PLA2G6: variants seen among roughly 807,000 people sequenced by gnomAD.
The protein encoded by PLA2G6 is phospholipase A2 group VI, also known as 85/88 kDa calcium-independent phospholipase A2.
PLA2G6 carries 62 observed loss-of-function variants against 83.8 expected under a neutral mutation model. The ratio of observed to expected loss-of-function variants is 0.74; its 90% CI spans 0.60 to 0.91. The LOEUF is 0.91. Among genes scored for constraint, PLA2G6 ranks in the 40% least tolerant of loss-of-function variants. The pLI, the probability that PLA2G6 is intolerant of heterozygous loss-of-function variation, is 0.00. For synonymous variants in PLA2G6, 417 were observed against 449.8 expected, an observed-to-expected ratio of 0.93 and a Z score of 0.92; for missense variants, 944 against 1,102.0, an observed-to-expected ratio of 0.86 and a Z score of 2.03.
intron 2 of PLA2G6, among the ~76,000 whole-genome samples, chr22:38,155,012 G>A (rs899685014): frequency 6.6e-6 from 1 of 152,218 alleles, no homozygotes; most frequent in Non-Finnish European, 1.5e-5. Flanking sequence ...CGGATCACAA[G>A]GTCAGGAGAT....
At chr22:38,114,972 C>G (rs758688599) in intron 14 of PLA2G6, among the ~76,000 whole-genome samples, 8 of 152,318 alleles carry the variant, frequency 5.3e-5, no homozygotes, top group Middle Eastern at 6.8e-3. Context: ...GCCACAGGGC[C>G]TCCCCTAGCA....
intron 6 of PLA2G6, chr22:38,134,714 T>A: frequency 2.1e-6 from 1 of 486,768 alleles, no homozygotes; most frequent in South Asian, 2.8e-5. Flanking sequence ...CCGAGTTTTG[T>A]CACACACTGC....
intron 6 of PLA2G6, chr22:38,134,271 C>T (rs985377648): frequency 6.6e-6 from 1 of 152,422 alleles, no homozygotes; most frequent in Non-Finnish European, 1.5e-5. Flanking sequence ...CTTAATAAAT[C>T]CCCCTTTAGG....
rs1602198587 is a variant in PLA2G6 at position 38,148,682 on chromosome 22, T to C, written c.210-3029A>G. On this transcript the variant is annotated intron_variant, in intron 2 of 16. Coordinates refer to ENST00000332509, the MANE Select transcript of PLA2G6 (RefSeq NM_003560.4). ...ACTTTGGGTTAGGGTCCTAAAGAAC[T>C]ACGTAGCCTAGGAATAAGGGTGAGC... is the stretch of plus-strand genomic sequence containing the variant. 9 of 641,038 alleles carry C rather than the reference T, an allele frequency of 1.4e-5. No homozygotes were observed. The East Asian group carries it at 2.5e-4, about 18-fold the overall frequency. 39.7% of individuals were successfully genotyped at this position (641,038 alleles called of 1,614,324 possible).
rs188217415 is a variant in PLA2G6, at chr22:38,161,134, T to C, written c.209+8084A>G. On this transcript the variant is annotated intron_variant, in intron 2 of 16. Coordinates refer to ENST00000332509, the MANE Select transcript of PLA2G6 (RefSeq NM_003560.4). The stretch of plus-strand genomic sequence containing the variant: ...GTAGAGTCAAGAAATAATTTTTTTT[T>C]AAAGAAAAAAATAACCCATTGTATA... 4.3e-3 allele frequency among the ~76,000 whole-genome samples: 659 copies of C among 152,170 alleles called. 6 individuals are homozygous for C. The highest frequency in any genetic ancestry group is 5.3e-3 in the Non-Finnish European group (359 of 67,970).
chr22:38,176,859 A>AG, intron 1 of PLA2G6, among the ~76,000 whole-genome samples: 1 of 152,058 alleles, frequency 6.6e-6, no homozygotes, highest in East Asian at 1.9e-4. Flanking sequence ...CCAACGTGTG[A>AG]GAAAAAAACC....
At chr22:38,152,066 T>C (rs1428900415) in intron 2 of PLA2G6, among the ~76,000 whole-genome samples, 3 of 152,182 alleles carry the variant, frequency 2.0e-5, no homozygotes, top group Non-Finnish European at 2.9e-5. Context: ...ATGTTAAATT[T>C]TGATTCCAAT....
Position 38,113,521 on chromosome 22 carries a change from C to A in PLA2G6, c.2168G>T (p.Gly723Val), listed in dbSNP as rs2087006444. 6.2e-7 allele frequency: 1 copy of A among 1,614,008 alleles called. No individual in the cohort carries two copies. Among genetic ancestry groups the A allele is most frequent in the South Asian group, 1.1e-5 (1 of 91,084 alleles). The change falls in exon 15 of 17, where the codon GGG (glycine) becomes GTG (valine). Residue 723 changes from glycine to valine, a missense_variant. Gly to Val is a moderately radical substitution (Grantham distance 109). Coordinates refer to ENST00000332509, the MANE Select transcript of PLA2G6 (RefSeq NM_003560.4). ...NPWELAKTVFGAKELGKMVVD... is the reference protein window; with the variant it reads ...NPWELAKTVFVAKELGKMVVD... ...CACCATCTTGCCCAGTTCCTTGGCC[C>A]CAAAAACAGTCTTGGCCAGCTCCCA... is the stretch of plus-strand genomic sequence containing the variant.
intron 1 of PLA2G6, chr22:38,180,255 T>C (rs2090795360): frequency 6.6e-6 from 1 of 152,134 alleles, no homozygotes; most frequent in East Asian, 1.9e-4. Flanking sequence ...AACTCCCTTT[T>C]GGGGAGTCTC....
At chr22:38,114,211 C>T (rs1305592274) in intron 14 of PLA2G6, among the ~76,000 whole-genome samples, 1 of 149,530 alleles carries the variant, frequency 6.7e-6, no homozygotes, top group Non-Finnish European at 1.5e-5. Flanking sequence ...GACGGAGTCT[C>T]GCTCTGTCTC....
At chr22:38,125,788 G>A (rs1015631817) in intron 10 of PLA2G6, 1 of 457,474 alleles carries the variant, frequency 2.2e-6, no homozygotes, top group South Asian at 1.6e-5. Context: ...ATCAAGGGAG[G>A]TGGCGACAGC....
At chr22:38,152,965 G>A (rs132950) in intron 2 of PLA2G6, among the ~76,000 whole-genome samples, 27,649 of 151,630 alleles carry the variant, frequency 0.18, 2,793 homozygotes, top group East Asian at 0.44. Context: ...GTCCTCCTGC[G>A]GGGAAAAAAA....
Position 38,128,879 on chromosome 22 carries a change from G to C in PLA2G6, c.1187-449C>G, listed in dbSNP as rs1471326007. ...AGATGCGGTGCATGCAGACACACAC[G>C]TGTGCACTGGCACACACACACTGCT... On this transcript the variant is annotated intron_variant, in intron 8 of 16. Transcript: ENST00000332509. The surrounding 1 kb of genome is among the most constrained non-coding windows in gnomAD (Gnocchi z 4.4). 1.3e-5 allele frequency among the ~76,000 whole-genome samples: 2 copies of C among 152,344 alleles called. No individual in the cohort carries two copies. The highest frequency in any genetic ancestry group is 4.1e-4 in the South Asian group (2 of 4,832).
At position 38,143,235 on chromosome 22, in the gene PLA2G6, C is replaced by A; in HGVS notation, c.479G>T (p.Cys160Phe). Residue 160 changes from cysteine to phenylalanine, a missense_variant, in exon 4 of 17, where the codon TGC (cysteine) becomes TTC (phenylalanine). By Grantham distance (205) the Cys-to-Phe change is radical. Transcript: ENST00000332509. ...EEGCTPLHLACRKGDGEILVE... is the reference protein window; with the variant it reads ...EEGCTPLHLAFRKGDGEILVE... Reference sequence around the variant, plus strand: ...CAGGATCTCCCCATCACCCTTGCGGCAGGCCAGGTGCAGGGGTGTGCAGCC... The same window carrying A: ...CAGGATCTCCCCATCACCCTTGCGGAAGGCCAGGTGCAGGGGTGTGCAGCC... The A allele has an allele frequency of 3.1e-6, 5 of 1,614,104 alleles. No individual in the cohort carries two copies. The highest frequency in any genetic ancestry group is 4.2e-6 in the Non-Finnish European group (5 of 1,180,020).
intron 2 of PLA2G6, chr22:38,147,294 T>C (rs1337142877): frequency 2.5e-5 from 4 of 163,246 alleles, no homozygotes; most frequent in Non-Finnish European, 4.4e-5. Flanking sequence ...TCAGTGATGG[T>C]TACTTAAAGT....
intron 9 of PLA2G6, chr22:38,126,732 C>A: frequency 8.3e-6 from 4 of 481,600 alleles, no homozygotes; most frequent in Non-Finnish European, 1.5e-5. Flanking sequence ...CCCTCAATCT[C>A]TTCCTCTTGA....
At chr22:38,173,205 G>T (rs2090503236) in intron 1 of PLA2G6, among the ~76,000 whole-genome samples, 1 of 152,116 alleles carries the variant, frequency 6.6e-6, no homozygotes, top group Non-Finnish European at 1.5e-5. Flanking sequence ...GATGGTGGAT[G>T]AGGGCCCCCC....
chr22:38,170,919 C>T (rs2090411056), intron 1 of PLA2G6, among the ~76,000 whole-genome samples: 1 of 152,006 alleles, frequency 6.6e-6, no homozygotes, highest in South Asian at 2.1e-4. Context: ...GCCTGTAATC[C>T]CAGCACTTTG....
intron 2 of PLA2G6, among the ~76,000 whole-genome samples, chr22:38,162,497 G>A (rs1397979565): frequency 6.6e-6 from 1 of 152,160 alleles, no homozygotes; most frequent in East Asian, 1.9e-4. Context: ...GTGGGTGGAG[G>A]ACTAGAGGGA....
Sources: gnomAD v4.1 joint callset for allele counts (sites outside exome capture counted in the v4.1 genomes callset) on GRCh38, gnomAD v4.1.1 for gene constraint, Gnocchi (gnomAD v3.1) non-coding constraint, MANE v1.5 for transcripts, NCBI Gene and HGNC (gene_info 2026-07-23, HGNC 2026-07-21) for gene names.